The following PKD1L1 variants were observed in gnomAD, a reference collection of about 807,000 sequenced individuals.
The protein encoded by PKD1L1 is polycystin-1-like protein 1.
Under a neutral mutation model 323.4 loss-of-function variants are expected in PKD1L1, and 236 were observed. That is an observed-to-expected ratio of 0.73 (90% CI 0.66 to 0.81). The LOEUF is 0.81. PKD1L1 is among the 40% of genes least tolerant of loss of function. PKD1L1 has a pLI of 0.00. For missense variants in PKD1L1, 3,320 were observed against 3,508.0 expected (o/e 0.95, Z 1.35); for synonymous variants, 1,344 against 1,335.0 (o/e 1.01, Z -0.15).
In PKD1L1 at chr7:47,881,948, G is replaced by A; in HGVS notation, c.3403C>T (p.Leu1135=). Residue 1135 remains leucine (L), a synonymous_variant, in exon 20 of 57, where the codon CTG becomes TTG. Transcript: ENST00000289672. ...PVLMIDWPKA[L]LGRAVFQGYS... ...CCTTGGAAAACTGCTCGACCCAGCAGGGCCTTGGGCCAGTCAATCATGAGG... is the reference window on the plus strand; with the variant it reads ...CCTTGGAAAACTGCTCGACCCAGCAAGGCCTTGGGCCAGTCAATCATGAGG... 1 of 1,611,364 alleles carries A rather than the reference G, an allele frequency of 6.2e-7. No individual in the cohort carries two copies. The highest frequency in any genetic ancestry group is 1.3e-5 in the African/African-American group (1 of 74,838).
At chr7:47,842,501 C>A (rs753964367) in intron 34 of PKD1L1, among the ~76,000 whole-genome samples, 3 of 152,102 alleles carry the variant, frequency 2.0e-5, no homozygotes, top group Non-Finnish European at 4.4e-5. Flanking sequence ...CCCCTGCAGA[C>A]CTCACCTCCA....
At chr7:47,951,076 T>G (rs1788197640), upstream of PKD1L1, among the ~76,000 whole-genome samples, 1 of 152,198 alleles carries the variant, frequency 6.6e-6, no homozygotes, top group African/African-American at 2.4e-5. Context: ...CCAAGCAAAC[T>G]GGAAAACGTC....
chr7:47,801,462 C>T (rs1335544815), intron 53 of PKD1L1, among the ~76,000 whole-genome samples: 1 of 152,208 alleles, frequency 6.6e-6, no homozygotes, highest in Non-Finnish European at 1.5e-5. Context: ...CCAACCAGCC[C>T]TGGTGCTGAC....
At chr7:47,785,949 C>T (rs1201075454) in intron 56 of PKD1L1, among the ~76,000 whole-genome samples, 1 of 152,026 alleles carries the variant, frequency 6.6e-6, no homozygotes, top group Non-Finnish European at 1.5e-5. Context: ...ACTACGTTGA[C>T]CAAGCTGGTC....
At chr7:47,838,331 G>A (rs922199269) in intron 36 of PKD1L1, among the ~76,000 whole-genome samples, 7 of 152,186 alleles carry the variant, frequency 4.6e-5, no homozygotes, top group South Asian at 4.1e-4. Context: ...GGCAAGGTCC[G>A]GCGACACTGG....
At chr7:47,805,319 C>A (rs1784754594) in intron 52 of PKD1L1, among the ~76,000 whole-genome samples, 1 of 152,200 alleles carries the variant, frequency 6.6e-6, no homozygotes, top group Non-Finnish European at 1.5e-5. Flanking sequence ...GTGTTAAATT[C>A]CATCATTAGA....
intron 15 of PKD1L1, 99 bp from the exon 16 acceptor site, chr7:47,890,862 C>A: frequency 1.0e-6 from 1 of 1,004,480 alleles, no homozygotes; most frequent in Non-Finnish European, 1.5e-6. Flanking sequence ...AGGGGGACCA[C>A]AGGGGACACG....
At chr7:47,796,687 T>TA (rs1397743907) in intron 54 of PKD1L1, among the ~76,000 whole-genome samples, 2 of 152,072 alleles carry the variant, frequency 1.3e-5, no homozygotes, top group Admixed American at 6.5e-5. Flanking sequence ...TCCAATTGTT[T>TA]AAAAAATAAC....
intron 4 of PKD1L1, among the ~76,000 whole-genome samples, chr7:47,935,921 C>T (rs1418980059): frequency 1.3e-5 from 2 of 152,206 alleles, no homozygotes; most frequent in Non-Finnish European, 2.9e-5. Context: ...AAGGAAAAGT[C>T]GCATCGGTGA....
At chr7:47,914,781 T>C (rs1387129958) in intron 8 of PKD1L1, among the ~76,000 whole-genome samples, 5 of 151,460 alleles carry the variant, frequency 3.3e-5, no homozygotes, top group African/African-American at 1.2e-4. Flanking sequence ...CTCATCAGCC[T>C]TTCCCACTGG....
chr7:47,942,329 C>T lies in PKD1L1; in HGVS notation c.160+1067G>A, dbSNP rs918197422. ...CAGCAGCAGCAGGATGTCAGGCAAA[C>T]CCCTGGCATTTAGGTAACAATTCCA... On this transcript the variant is annotated intron_variant, in intron 2 of 56. Coordinates refer to ENST00000289672, the MANE Select transcript of PKD1L1 (RefSeq NM_138295.5). 2.0e-5 allele frequency among the ~76,000 whole-genome samples: 3 copies of T among 152,268 alleles called. No individual in the cohort carries two copies. In the East Asian group the frequency reaches 5.8e-4, roughly 29 times the overall value.
intron 28 of PKD1L1, among the ~76,000 whole-genome samples, chr7:47,856,062 G>A (rs1384615994): frequency 8.6e-5 from 13 of 151,826 alleles, no homozygotes; most frequent in Admixed American, 5.2e-4. Context: ...TTTTGACACA[G>A]AGTCTTGCTC....
intron 28 of PKD1L1, among the ~76,000 whole-genome samples, chr7:47,856,552 T>C (rs751532989): frequency 5.9e-5 from 9 of 151,534 alleles, no homozygotes; most frequent in Non-Finnish European, 1.2e-4. Context: ...TTCTTACAAG[T>C]GTAACAGTGT....
intron 54 of PKD1L1, among the ~76,000 whole-genome samples, chr7:47,800,423 G>A (rs1362920994): frequency 6.6e-6 from 1 of 152,172 alleles, no homozygotes; most frequent in African/African-American, 2.4e-5. Flanking sequence ...GTGGCACCCT[G>A]GGGTGGCTGC....
chr7:47,851,674 G>T (rs1785785518), intron 31 of PKD1L1, among the ~76,000 whole-genome samples: 1 of 152,138 alleles, frequency 6.6e-6, no homozygotes, highest in African/African-American at 2.4e-5. Context: ...GAGATTGGAG[G>T]TTCTTTCCCC....
chr7:47,842,332 T>G (rs1251954745), intron 34 of PKD1L1, among the ~76,000 whole-genome samples: 1 of 152,136 alleles, frequency 6.6e-6, no homozygotes, highest in Non-Finnish European at 1.5e-5. Flanking sequence ...ATCTAACTCT[T>G]TCTCATCCAC....
chr7:47,868,757 A>G (rs1186670257), intron 24 of PKD1L1, among the ~76,000 whole-genome samples: 4 of 152,046 alleles, frequency 2.6e-5, no homozygotes, highest in South Asian at 4.2e-4. Context: ...TGCCTGTAAT[A>G]CCAGCTACTT....
rs1786666390 is a variant in PKD1L1 at position 47,885,714 on chromosome 7, G to A, written c.3177C>T (p.Pro1059=). The change falls in exon 18 of 57, where the codon CCC becomes CCT. Residue 1059 remains proline (P), a synonymous_variant. Transcript: ENST00000289672. ...AGAGGTGAGGGTCAGGGCTGTGGGT[G>A]GGCTGACTTCTCTCAGAGCGGCCAG... The part of the protein sequence containing the change: ...LMTGRSERSQ[P]THSPDPHLSD... The A allele has an allele frequency of 6.2e-7, 1 of 1,613,874 alleles. No homozygotes were observed.
intron 45 of PKD1L1, among the ~76,000 whole-genome samples, chr7:47,823,447 GATTT>G (rs1348581430): frequency 1.3e-5 from 2 of 152,034 alleles, no homozygotes; most frequent in South Asian, 2.1e-4. Flanking sequence ...GCTTCTTTGC[GATTT>G]ATTTGTTGAG....
Sources: gnomAD v4.1 joint callset for allele counts (sites outside exome capture counted in the v4.1 genomes callset) on GRCh38, gnomAD v4.1.1 for gene constraint, MANE v1.5 for transcripts, NCBI Gene and HGNC (gene_info 2026-07-23, HGNC 2026-07-21) for gene names.